Variants in DLGAP1 observed in about 807,000 individuals in gnomAD.
DLGAP1 encodes DLG associated protein 1.
In DLGAP1, 11 loss-of-function variants were observed where a neutral mutation model predicts 90.8. The ratio of observed to expected loss-of-function variants is 0.12; its 90% confidence interval spans 0.08 to 0.20. The LOEUF is 0.20. Among genes scored for constraint, DLGAP1 ranks in the 10% least tolerant of loss-of-function variants. The pLI, the probability that DLGAP1 is intolerant of heterozygous loss-of-function variation, is 1.00. For missense variants in DLGAP1, 1,050 were observed against 1,333.8 expected (o/e 0.79, Z 3.31); for synonymous variants, 558 against 540.7 (o/e 1.03, Z -0.44).
intron 1 of DLGAP1, among the ~76,000 whole-genome samples, chr18:4,387,053 T>C (rs2082243526): frequency 6.6e-6 from 1 of 152,192 alleles, no homozygotes; most frequent in Admixed American, 6.5e-5. Context: ...ATGATGCTGT[T>C]ATTCTTCAAT....
intron 3 of DLGAP1, among the ~76,000 whole-genome samples, chr18:3,984,524 G>A (rs1019552808): frequency 7.2e-5 from 11 of 152,124 alleles, no homozygotes; most frequent in Non-Finnish European, 1.5e-4. Flanking sequence ...CTCCTCTGAT[G>A]AGACTGATGT....
rs1485343948 is a variant in DLGAP1, at chr18:3,898,076, G to C, written c.-72-17936C>G. Among the ~76,000 whole-genome samples, 22 of 152,160 alleles carry C rather than the reference G, an allele frequency of 1.4e-4. 2 individuals carry two copies. The highest frequency in any genetic ancestry group is 1.4e-3 in the Admixed American group (22 of 15,282). On this transcript the variant is annotated intron_variant, in intron 3 of 12. Transcript: ENST00000315677. ...CCCAAAGTGCTGGGATTACAGGCGT[G>C]AGCCACTGCGCCCGGCCGAATTTCT...
intron 1 of DLGAP1, among the ~76,000 whole-genome samples, chr18:4,427,162 A>T (rs1168283950): frequency 3.9e-5 from 6 of 152,210 alleles, no homozygotes; most frequent in African/African-American, 1.4e-4. Context: ...TCGGAGATTA[A>T]TTAACCAAAT....
At chr18:4,344,233 C>T (rs546410466) in intron 1 of DLGAP1, among the ~76,000 whole-genome samples, 23 of 152,106 alleles carry the variant, frequency 1.5e-4, no homozygotes, top group African/African-American at 4.8e-4. Flanking sequence ...ATGCACTATG[C>T]GTTATATTAT....
At chr18:3,573,463 C>T (rs1017580451) in intron 8 of DLGAP1, among the ~76,000 whole-genome samples, 3 of 152,150 alleles carry the variant, frequency 2.0e-5, no homozygotes, top group African/African-American at 4.8e-5. Flanking sequence ...GATCATACCA[C>T]CGCACTCCAG....
intron 1 of DLGAP1, among the ~76,000 whole-genome samples, chr18:4,440,262 T>G (rs1017354475): frequency 6.6e-6 from 1 of 152,118 alleles, no homozygotes; most frequent in Non-Finnish European, 1.5e-5. Flanking sequence ...TAGAAAATAT[T>G]ACTTATCATT....
At chr18:3,919,132 C>A (rs969703619) in intron 3 of DLGAP1, among the ~76,000 whole-genome samples, 1 of 152,188 alleles carries the variant, frequency 6.6e-6, no homozygotes, top group African/African-American at 2.4e-5. Flanking sequence ...ATGGCTTTGA[C>A]CTTTTTCTGG....
chr18:3,591,581 T>C (rs1017939378), intron 7 of DLGAP1, among the ~76,000 whole-genome samples: 2 of 151,714 alleles, frequency 1.3e-5, no homozygotes, highest in Admixed American at 6.6e-5. Context: ...GTGGCACCTG[T>C]AGTCCCAGCT....
At chr18:3,683,512 G>T (rs35966265) in intron 7 of DLGAP1, among the ~76,000 whole-genome samples, 23,627 of 152,068 alleles carry the variant, frequency 0.16, 2,264 homozygotes, top group East Asian at 0.43. Flanking sequence ...CTCTATTTGG[G>T]ATGATAGACG....
chr18:4,281,155 G>A (rs999407121), intron 1 of DLGAP1, among the ~76,000 whole-genome samples: 3 of 152,060 alleles, frequency 2.0e-5, no homozygotes, highest in Admixed American at 6.5e-5. Context: ...TGTATTTTAC[G>A]TCAATGATCT....
chr18:4,348,426 G>C (rs2081343126), intron 1 of DLGAP1, among the ~76,000 whole-genome samples: 1 of 151,766 alleles, frequency 6.6e-6, no homozygotes, highest in Non-Finnish European at 1.5e-5. Flanking sequence ...GTGTGTGTGT[G>C]TGTGTGTGTG....
chr18:4,147,049 G>T (rs2076596753), intron 2 of DLGAP1, among the ~76,000 whole-genome samples: 1 of 152,104 alleles, frequency 6.6e-6, no homozygotes, highest in Non-Finnish European at 1.5e-5. Context: ...GATGTAGAGA[G>T]AAAATGTGCA....
chr18:4,044,365 T>C (rs1437825655), intron 2 of DLGAP1, among the ~76,000 whole-genome samples: 2 of 152,194 alleles, frequency 1.3e-5, no homozygotes, highest in Non-Finnish European at 2.9e-5. Flanking sequence ...TCCTCCAATT[T>C]GAACACTCAA....
intron 2 of DLGAP1, among the ~76,000 whole-genome samples, chr18:4,024,624 T>C (rs1300959610): frequency 2.0e-5 from 3 of 152,170 alleles, no homozygotes; most frequent in Non-Finnish European, 2.9e-5. Context: ...GGGAGTGCAA[T>C]TCTTTTATGT....
intron 9 of DLGAP1, among the ~76,000 whole-genome samples, chr18:3,542,487 T>C (rs900770731): frequency 6.6e-6 from 1 of 152,240 alleles, no homozygotes; most frequent in Non-Finnish European, 1.5e-5. Context: ...CAACACTGAA[T>C]TCCACTTGGA....
chr18:3,498,197 T>C lies in DLGAP1; in HGVS notation c.*988A>G, dbSNP rs1289362490. The C allele has an allele frequency of 6.6e-6, 1 of 152,174 alleles. No homozygotes were observed. The highest frequency in any genetic ancestry group is 1.9e-4 in the East Asian group (1 of 5,198). 9.4% of individuals were successfully genotyped at this position (152,174 alleles called of 1,614,324 possible). ...ATAAGCAGATATGTACTTATATATGTGGAATCAGGTAGGCCCACCTGGATG... is the reference window on the plus strand; with the variant it reads ...ATAAGCAGATATGTACTTATATATGCGGAATCAGGTAGGCCCACCTGGATG... On this transcript the variant is annotated 3_prime_UTR_variant, in exon 13 of 13. Coordinates refer to ENST00000315677, the MANE Select transcript of DLGAP1 (RefSeq NM_004746.4).
chr18:4,096,968 TGTAA>T (rs1477403586), intron 2 of DLGAP1, among the ~76,000 whole-genome samples: 1 of 152,246 alleles, frequency 6.6e-6, no homozygotes, highest in Non-Finnish European at 1.5e-5. Context: ...GTAAACATTG[TGTAA>T]GTGTTGGTCG....
At chr18:4,241,895 T>C (rs1263387417) in intron 1 of DLGAP1, among the ~76,000 whole-genome samples, 1 of 152,210 alleles carries the variant, frequency 6.6e-6, no homozygotes, top group Non-Finnish European at 1.5e-5. Context: ...TTATTTTTAA[T>C]TGATAATAAA....
chr18:4,184,483 C>A (rs1157061666), intron 1 of DLGAP1, among the ~76,000 whole-genome samples: 1 of 152,030 alleles, frequency 6.6e-6, no homozygotes, highest in Non-Finnish European at 1.5e-5. Context: ...GAAGAAAAAT[C>A]CCTCAGTGTA....
Sources: gnomAD v4.1 joint callset for allele counts (sites outside exome capture counted in the v4.1 genomes callset) on GRCh38, gnomAD v4.1.1 for gene constraint, MANE v1.5 for transcripts, NCBI Gene and HGNC (gene_info 2026-07-23, HGNC 2026-07-21) for gene names.